ATXN1: variants seen among roughly 807,000 people sequenced by gnomAD.
ATXN1 encodes the protein ataxin-1.
In ATXN1, 8 loss-of-function variants were observed where a neutral mutation model predicts 56.4. The ratio of observed to expected loss-of-function variants is 0.14; its 90% CI spans 0.08 to 0.26. The LOEUF (loss-of-function observed/expected upper bound fraction) is 0.26, where lower values mean the gene tolerates loss of function less well. Among genes scored for constraint, ATXN1 ranks in the 10% least tolerant of loss-of-function variants. The pLI, the probability that ATXN1 is intolerant of heterozygous loss-of-function variation, is 1.00. For synonymous variants in ATXN1, 514 were observed against 494.6 expected, an observed-to-expected ratio of 1.04 and a Z score of -0.52; for missense variants, 987 against 1,106.5, an observed-to-expected ratio of 0.89 and a Z score of 1.53.
At chr6:16,350,671 C>T (rs1265445515) in intron 6 of ATXN1, among the ~76,000 whole-genome samples, 1 of 152,196 alleles carries the variant, frequency 6.6e-6, no homozygotes, top group Non-Finnish European at 1.5e-5. Flanking sequence ...CTGCCCTTTG[C>T]CCTTGGCTCC....
intron 2 of ATXN1, among the ~76,000 whole-genome samples, chr6:16,744,943 T>C (rs545187459): frequency 2.0e-5 from 3 of 152,342 alleles, no homozygotes; most frequent in Admixed American, 2.0e-4. Flanking sequence ...ACTTTTTAAA[T>C]GGATTAATAT....
intron 2 of ATXN1, among the ~76,000 whole-genome samples, chr6:16,728,141 C>G (rs1270227823): frequency 6.6e-6 from 1 of 152,226 alleles, no homozygotes; most frequent in Non-Finnish European, 1.5e-5. Flanking sequence ...GCTCCTTGCT[C>G]TTTCTGCCAC....
At chr6:16,490,434 T>A (rs1760637737) in intron 5 of ATXN1, among the ~76,000 whole-genome samples, 1 of 152,200 alleles carries the variant, frequency 6.6e-6, no homozygotes, top group African/African-American at 2.4e-5. Flanking sequence ...CAAACAGTTG[T>A]ACTATACATT....
chr6:16,573,066 T>C (rs1762360502), intron 4 of ATXN1, among the ~76,000 whole-genome samples: 2 of 152,188 alleles, frequency 1.3e-5, no homozygotes, highest in South Asian at 4.1e-4. Context: ...TAGGGCAATC[T>C]TTCCCTTCTT....
At position 16,371,992 on chromosome 6, in the gene ATXN1, A is replaced by G. The variant is rs552491188; in HGVS notation, c.-160-43522T>C. Among the ~76,000 whole-genome samples, 5 of 152,286 alleles carry G rather than the reference A, an allele frequency of 3.3e-5. No homozygotes were observed. In the South Asian group the frequency reaches 1.0e-3, roughly 32 times the overall value. The stretch of plus-strand genomic sequence containing the variant: ...TCATGTGTTATTGTAAAATTTCTTT[A>G]TGTGTGATTAAACCCAGGGCAAGCC... On this transcript the variant is annotated intron_variant, in intron 6 of 7. Coordinates refer to ENST00000436367, the MANE Select transcript of ATXN1 (RefSeq NM_001128164.2).
intron 6 of ATXN1, among the ~76,000 whole-genome samples, chr6:16,378,383 G>A (rs1447462944): frequency 6.6e-6 from 1 of 151,986 alleles, no homozygotes; most frequent in African/African-American, 2.4e-5. Flanking sequence ...TAGGCGTTAG[G>A]CCCACTTTTT....
chr6:16,312,386 GAACAT>G (rs911631073), intron 7 of ATXN1, among the ~76,000 whole-genome samples: 2 of 151,570 alleles, frequency 1.3e-5, no homozygotes, highest in Non-Finnish European at 2.9e-5. Flanking sequence ...GCAAAAGAAC[GAACAT>G]AACTAACTCC....
At chr6:16,396,683 C>CT (rs1341735246) in intron 6 of ATXN1, among the ~76,000 whole-genome samples, 2 of 152,166 alleles carry the variant, frequency 1.3e-5, no homozygotes. Flanking sequence ...ATGTCCTAGG[C>CT]CTTCACATTC....
chr6:16,385,484 G>A (rs145997929), intron 6 of ATXN1, among the ~76,000 whole-genome samples: 43 of 152,338 alleles, frequency 2.8e-4, no homozygotes, highest in African/African-American at 9.4e-4. Flanking sequence ...CACCAAGGCT[G>A]CTGAATGGCT....
intron 3 of ATXN1, among the ~76,000 whole-genome samples, chr6:16,618,596 G>T (rs1316105012): frequency 1.3e-5 from 2 of 152,052 alleles, no homozygotes; most frequent in African/African-American, 2.4e-5. Context: ...GCTGGACGTG[G>T]TGGTACACAC....
At chr6:16,324,882 G>A in intron 7 of ATXN1, among the ~76,000 whole-genome samples, 1 of 152,168 alleles carries the variant, frequency 6.6e-6, no homozygotes, top group South Asian at 2.1e-4. Flanking sequence ...TTCTCAGATT[G>A]TATTAACCAC....
At chr6:16,309,782 C>T (rs1450123671) in intron 7 of ATXN1, among the ~76,000 whole-genome samples, 1 of 151,994 alleles carries the variant, frequency 6.6e-6, no homozygotes, top group Admixed American at 6.6e-5. Flanking sequence ...GCCTGTAATC[C>T]CAGCACTTTG....
chr6:16,679,843 TCTTTAA>T (rs1280135723), intron 2 of ATXN1, among the ~76,000 whole-genome samples: 1 of 152,262 alleles, frequency 6.6e-6, no homozygotes, highest in Non-Finnish European at 1.5e-5. Context: ...ATAGTAAGCT[TCTTTAA>T]CTTTAATGAA....
chr6:16,735,502 G>T (rs1760098802), intron 2 of ATXN1, among the ~76,000 whole-genome samples: 2 of 152,132 alleles, frequency 1.3e-5, no homozygotes, highest in South Asian at 4.1e-4. Flanking sequence ...AAATCTAATG[G>T]TTTATAAGAA....
At chr6:16,456,529 C>G (rs551690737) in intron 6 of ATXN1, among the ~76,000 whole-genome samples, 27 of 152,292 alleles carry the variant, frequency 1.8e-4, no homozygotes, top group African/African-American at 6.0e-4. Flanking sequence ...CTAGGGTCGA[C>G]AGAGAGGAAA....
Position 16,328,284 on chromosome 6 carries a change from G to T in ATXN1, c.27C>A (p.Asn9Lys), listed in dbSNP as rs759716662. The T allele has an allele frequency of 6.6e-7, 1 of 1,517,822 alleles. No individual in the cohort carries two copies. Among genetic ancestry groups the T allele is most frequent in the Non-Finnish European group, 8.8e-7 (1 of 1,137,072 alleles). 94.0% of individuals were successfully genotyped at this position (1,517,822 alleles called of 1,614,324 possible). A position where few individuals can be genotyped will look rare whatever the true frequency, so the allele number is the denominator to read the frequency against. The change falls in exon 7 of 8, where the codon AAC becomes AAA. Residue 9 changes from asparagine (N) to lysine (K), a missense_variant. Transcript: ENST00000436367. The surrounding 1 kb of genome is among the most constrained non-coding windows in gnomAD (Gnocchi z 6.2). ...CGCGCTTCTTGGGAGGCAGGCATTCGTTGCTCCGCTCTTGGTTGGATTTCA... is the reference window on the plus strand; with the variant it reads ...CGCGCTTCTTGGGAGGCAGGCATTCTTTGCTCCGCTCTTGGTTGGATTTCA... MKSNQERS[N>K]ECLPPKKREI...
At chr6:16,654,728 T>C (rs1431612238) in intron 3 of ATXN1, among the ~76,000 whole-genome samples, 2 of 152,000 alleles carry the variant, frequency 1.3e-5, no homozygotes, top group Non-Finnish European at 2.9e-5. Context: ...GGCCATGGCA[T>C]ACAGCATAAA....
chr6:16,568,206 A>C (rs775966332), intron 4 of ATXN1, among the ~76,000 whole-genome samples: 73 of 152,238 alleles, frequency 4.8e-4, no homozygotes, highest in Non-Finnish European at 4.6e-4. Context: ...GGGAGATAAA[A>C]TAAAATCACT....
chr6:16,727,290 G>A (rs553309499), intron 2 of ATXN1, among the ~76,000 whole-genome samples: 1 of 152,184 alleles, frequency 6.6e-6, no homozygotes, highest in East Asian at 1.9e-4. Flanking sequence ...ATTAATTTTG[G>A]ATCCATATAT....
Sources: gnomAD v4.1 joint callset for allele counts (sites outside exome capture counted in the v4.1 genomes callset) on GRCh38, gnomAD v4.1.1 for gene constraint, Gnocchi (gnomAD v3.1) non-coding constraint, MANE v1.5 for transcripts, NCBI Gene and HGNC (gene_info 2026-07-23, HGNC 2026-07-21) for gene names.